HRH1: variants seen among roughly 807,000 people sequenced by gnomAD.
The protein encoded by HRH1 is histamine receptor H1.
A neutral mutation model predicts 10.3 loss-of-function variants in HRH1; 6 were observed. The ratio of observed to expected loss-of-function variants is 0.58; its 90% CI spans 0.32 to 1.15. The LOEUF (loss-of-function observed/expected upper bound fraction) is 1.15. Among genes scored for constraint, HRH1 ranks in the 50% most tolerant of loss-of-function variants. The probability of loss-of-function intolerance (pLI) is 0.05; values close to 1 mark genes in which losing one functional copy is unlikely to be tolerated. For synonymous variants in HRH1, 242 were observed against 236.7 expected, an observed-to-expected ratio of 1.02 and a Z score of -0.21; for missense variants, 514 against 615.3, an observed-to-expected ratio of 0.84 and a Z score of 1.74.
intron 1 of HRH1, among the ~76,000 whole-genome samples, chr3:11,165,493 C>T (rs1190437540): frequency 6.6e-6 from 1 of 152,016 alleles, no homozygotes; most frequent in Non-Finnish European, 1.5e-5. Flanking sequence ...ACAGGGAAAA[C>T]ACACACACAC....
intron 1 of HRH1, among the ~76,000 whole-genome samples, chr3:11,145,618 G>A (rs1028854576): frequency 1.3e-5 from 2 of 152,036 alleles, no homozygotes; most frequent in African/African-American, 4.8e-5. Context: ...ATTTGCATAT[G>A]GTAAAATGTA....
chr3:11,209,511 C>T (rs949543168), intron 1 of HRH1, among the ~76,000 whole-genome samples: 3 of 152,182 alleles, frequency 2.0e-5, no homozygotes, highest in Admixed American at 6.5e-5. Flanking sequence ...TTAAATGTAT[C>T]GGTGGTTCAC....
intron 1 of HRH1, among the ~76,000 whole-genome samples, chr3:11,200,892 A>G (rs1187417182): frequency 6.6e-6 from 1 of 152,186 alleles, no homozygotes; most frequent in East Asian, 1.9e-4. Flanking sequence ...ATTTTATAGT[A>G]ATGGCCTACT....
intron 1 of HRH1, among the ~76,000 whole-genome samples, chr3:11,173,928 C>T (rs1250896543): frequency 1.3e-5 from 2 of 152,158 alleles, no homozygotes; most frequent in Non-Finnish European, 2.9e-5. Context: ...TTCCTCTTCC[C>T]GCAAGACTGC....
intron 1 of HRH1, among the ~76,000 whole-genome samples, chr3:11,145,846 G>T (rs536320629): frequency 1.4e-4 from 21 of 151,992 alleles, no homozygotes; most frequent in Non-Finnish European, 2.8e-4. Context: ...TTACTTTTTT[G>T]TGTTTATAAT....
chr3:11,260,899 C>T lies in HRH1; in HGVS notation c.*398C>T, dbSNP rs79733405. On this transcript the variant is annotated 3_prime_UTR_variant, in exon 2 of 2. Transcript: ENST00000431010. ...CAAGTGATTGACAACTGAAGAGACA[C>T]GTGGCTAGGGTTCCACTGGAGAATT... The T allele has an allele frequency of 7.7e-3, 1,464 of 190,170 alleles. 30 individuals carry two copies. Among genetic ancestry groups the T allele is most frequent in the African/African-American group, 0.032 (1,364 of 42,114 alleles). The allele number at this position is 190,170 out of a possible 1,614,324, so 11.8% of individuals were successfully genotyped here. A position where few individuals can be genotyped will look rare whatever the true frequency, so the allele number is the denominator to read the frequency against.
intron 1 of HRH1, among the ~76,000 whole-genome samples, chr3:11,162,093 G>A (rs1936938100): frequency 6.6e-6 from 1 of 152,172 alleles, no homozygotes; most frequent in Non-Finnish European, 1.5e-5. Context: ...TGCAGGAGGT[G>A]GCCCCTCCCT....
At chr3:11,211,151 A>C (rs868737981) in intron 1 of HRH1, among the ~76,000 whole-genome samples, 25 of 152,358 alleles carry the variant, frequency 1.6e-4, no homozygotes, top group African/African-American at 6.0e-4. Context: ...AGAGGTTAGA[A>C]ATAACAAGAG....
intron 1 of HRH1, chr3:11,234,676 G>GA: frequency 8.3e-7 from 1 of 1,199,174 alleles, no homozygotes; most frequent in South Asian, 1.2e-5. Context: ...CCGGCAGTAG[G>GA]ACATGGCTGC....
At chr3:11,251,228 G>T (rs1222815517) in intron 1 of HRH1, among the ~76,000 whole-genome samples, 1 of 152,130 alleles carries the variant, frequency 6.6e-6, no homozygotes, top group African/African-American at 2.4e-5. Context: ...TCAAAGGAAA[G>T]ATTCTTCTAG....
chr3:11,175,897 G>A (rs1445979803), intron 1 of HRH1, among the ~76,000 whole-genome samples: 1 of 152,124 alleles, frequency 6.6e-6, no homozygotes, highest in Non-Finnish European at 1.5e-5. Context: ...ATGGGCTCAC[G>A]CCTGTAATCC....
chr3:11,192,226 G>A (rs573941343), intron 1 of HRH1, among the ~76,000 whole-genome samples: 1 of 152,308 alleles, frequency 6.6e-6, no homozygotes, highest in South Asian at 2.1e-4. Flanking sequence ...CGTAACCAGC[G>A]TCCCAGTGAA....
chr3:11,167,147 A>C (rs1290505157), intron 1 of HRH1, among the ~76,000 whole-genome samples: 169 of 77,766 alleles, frequency 2.2e-3, no homozygotes, highest in East Asian at 3.2e-3. Context: ...TGTCCCCTGT[A>C]TTCTCCAGGC....
At chr3:11,148,425 A>G (rs1172443228) in intron 1 of HRH1, among the ~76,000 whole-genome samples, 1 of 152,192 alleles carries the variant, frequency 6.6e-6, no homozygotes, top group Non-Finnish European at 1.5e-5. Flanking sequence ...GCAAGATAGA[A>G]GTGTCTTTAT....
chr3:11,195,917 AT>A (rs1056604226), intron 1 of HRH1, among the ~76,000 whole-genome samples: 7 of 152,126 alleles, frequency 4.6e-5, no homozygotes, highest in African/African-American at 1.7e-4. Context: ...TGTTTCCAGC[AT>A]CCTGTGGCAG....
chr3:11,150,971 T>C (rs1182077604), upstream of HRH1, among the ~76,000 whole-genome samples: 1 of 152,236 alleles, frequency 6.6e-6, no homozygotes, highest in African/African-American at 2.4e-5. Context: ...TTCTTGCCTC[T>C]CCAGGACCCC....
At position 11,221,814 on chromosome 3, in the gene HRH1, C is replaced by G. The variant is rs572114320; in HGVS notation, c.-35-37189C>G. Among the ~76,000 whole-genome samples the G allele has an allele frequency of 2.0e-5, 3 of 152,248 alleles. No homozygotes were observed. The East Asian group carries it at 5.8e-4, about 29-fold the overall frequency. On this transcript the variant is annotated intron_variant, in intron 1 of 1. Transcript: ENST00000431010. Reference sequence around the variant, plus strand: ...TTTTATCTCTATGAATTTGATGGCTCTAGGGACTTTATATAAGTGGAATCA... The same window carrying G: ...TTTTATCTCTATGAATTTGATGGCTGTAGGGACTTTATATAAGTGGAATCA...
chr3:11,154,417 G>A (rs1260790940), upstream of HRH1: 2 of 146,666 alleles, frequency 1.4e-5, no homozygotes, highest in Non-Finnish European at 3.0e-5. This position sits in a 1 kb window ranked among gnomAD's most constrained non-coding sequence, Gnocchi z 4.4. Flanking sequence ...GCTCGCGGGT[G>A]GGCCCCTCGG....
At chr3:11,140,065 A>G (rs1936262602) in intron 1 of HRH1, among the ~76,000 whole-genome samples, 1 of 152,236 alleles carries the variant, frequency 6.6e-6, no homozygotes, top group African/African-American at 2.4e-5. Flanking sequence ...CCTTGCAGGC[A>G]CATGGCTTAG....
Sources: allele counts gnomAD v4.1 joint callset (sites outside exome capture counted in the v4.1 genomes callset), GRCh38; gene constraint gnomAD v4.1.1; non-coding constraint Gnocchi (gnomAD v3.1); transcripts MANE v1.5; gene names NCBI Gene and HGNC (gene_info 2026-07-23, HGNC 2026-07-21).